Variants in NEK7 observed in about 807,000 individuals in gnomAD.
The protein encoded by NEK7 is NIMA related kinase 7, also known as serine/threonine-protein kinase Nek7.
Under a neutral mutation model 44.6 loss-of-function variants are expected in NEK7, and 18 were observed. The observed-to-expected ratio is 0.40, with a 90% CI of 0.28 to 0.60. The LOEUF (loss-of-function observed/expected upper bound fraction) is 0.60, where lower values mean the gene tolerates loss of function less well. Ranked by LOEUF, NEK7 falls within the 20% of genes least tolerant of loss-of-function variation. The pLI is 0.38. For synonymous variants in NEK7, 130 were observed against 121.1 expected (o/e 1.07, Z -0.48); for missense variants, 256 against 366.5 (o/e 0.70, Z 2.46).
At chr1:198,187,564 G>C (rs769176889) in intron 1 of NEK7, among the ~76,000 whole-genome samples, 1 of 152,172 alleles carries the variant, frequency 6.6e-6, no homozygotes, top group African/African-American at 2.4e-5. Context: ...TTGAGAAAGA[G>C]ACAGTAGCAA....
intron 7 of NEK7, among the ~76,000 whole-genome samples, chr1:198,283,057 T>A (rs1341839691): frequency 6.6e-6 from 1 of 152,092 alleles, no homozygotes; most frequent in Non-Finnish European, 1.5e-5. Context: ...GAGGCAGCTA[T>A]GAAATAATGT....
At chr1:198,299,774 A>G (rs1398067031) in intron 9 of NEK7, among the ~76,000 whole-genome samples, 2 of 152,218 alleles carry the variant, frequency 1.3e-5, no homozygotes, top group African/African-American at 4.8e-5. Flanking sequence ...GCCTCAGTTG[A>G]TAGGAATCCT....
chr1:198,188,182 TTTG>T (rs752594249), intron 1 of NEK7, among the ~76,000 whole-genome samples: 6 of 152,188 alleles, frequency 3.9e-5, no homozygotes, highest in Admixed American at 2.6e-4. Flanking sequence ...TCTACCTTTT[TTTG>T]TTGTTGTTTT....
At chr1:198,160,079 G>T (rs1188486852) in intron 1 of NEK7, among the ~76,000 whole-genome samples, 3 of 151,848 alleles carry the variant, frequency 2.0e-5, no homozygotes, top group Non-Finnish European at 4.4e-5. Context: ...TAAATATGTG[G>T]TCTGAGATAT....
intron 3 of NEK7, among the ~76,000 whole-genome samples, chr1:198,254,764 T>C (rs1241381356): frequency 1.3e-5 from 2 of 152,186 alleles, no homozygotes; most frequent in Non-Finnish European, 2.9e-5. Context: ...AAAGTTGCAC[T>C]GGTGTAAGTT....
chr1:198,253,281 T>C (rs925076669), intron 3 of NEK7, 101 bp downstream of exon 3: 7 of 724,434 alleles, frequency 9.7e-6, no homozygotes, highest in African/African-American at 1.8e-5. Flanking sequence ...TAGCCTTAAG[T>C]TGAGAATGCT....
At chr1:198,230,404 C>T (rs1666351453) in intron 1 of NEK7, among the ~76,000 whole-genome samples, 1 of 151,920 alleles carries the variant, frequency 6.6e-6, no homozygotes, top group South Asian at 2.1e-4. Flanking sequence ...TATAATTCAA[C>T]ATTTTAACAG....
intron 1 of NEK7, among the ~76,000 whole-genome samples, chr1:198,178,060 G>A (rs1365027498): frequency 1.2e-4 from 18 of 152,020 alleles, no homozygotes. Flanking sequence ...CCTCAACTAT[G>A]TGCTGCTTTC....
chr1:198,228,413 T>C (rs1220309280), intron 1 of NEK7, among the ~76,000 whole-genome samples: 1 of 152,102 alleles, frequency 6.6e-6, no homozygotes, highest in Non-Finnish European at 1.5e-5. Flanking sequence ...AGAAAGTCAT[T>C]GGTAGCTTGA....
At chr1:198,236,323 T>G (rs533154632) in intron 2 of NEK7, among the ~76,000 whole-genome samples, 1 of 152,268 alleles carries the variant, frequency 6.6e-6, no homozygotes, top group East Asian at 1.9e-4. Flanking sequence ...TTACAGAAAT[T>G]TAGATGTTTC....
chr1:198,263,116 A>G (rs921528155), intron 4 of NEK7, among the ~76,000 whole-genome samples: 1 of 151,872 alleles, frequency 6.6e-6, no homozygotes, highest in African/African-American at 2.4e-5. Context: ...TTTCTCATCT[A>G]CTAAGAATAT....
At chr1:198,257,307 G>A (rs746593623) in intron 3 of NEK7, among the ~76,000 whole-genome samples, 2 of 152,016 alleles carry the variant, frequency 1.3e-5, no homozygotes, top group South Asian at 4.2e-4. Flanking sequence ...ATTTACTTAT[G>A]TTTGTTAGTT....
At chr1:198,313,574 G>T (rs1655257879) in intron 9 of NEK7, among the ~76,000 whole-genome samples, 2 of 135,974 alleles carry the variant, frequency 1.5e-5, no homozygotes, top group Non-Finnish European at 3.0e-5. Flanking sequence ...GCAGTGGCTG[G>T]TACCGGTTGT....
At chr1:198,211,700 A>G (rs1041536302) in intron 1 of NEK7, among the ~76,000 whole-genome samples, 1 of 152,040 alleles carries the variant, frequency 6.6e-6, no homozygotes, top group Non-Finnish European at 1.5e-5. Flanking sequence ...GTTCTAATGG[A>G]AAAAAAATGC....
At chr1:198,221,716 A>G (rs1286402341) in intron 1 of NEK7, among the ~76,000 whole-genome samples, 1 of 151,958 alleles carries the variant, frequency 6.6e-6, no homozygotes, top group Non-Finnish European at 1.5e-5. Flanking sequence ...TTAAGATTTT[A>G]GCTAAGGTAA....
intron 6 of NEK7, 57 bp downstream of exon 6, chr1:198,278,126 A>T: frequency 1.1e-6 from 1 of 923,016 alleles, no homozygotes; most frequent in South Asian, 1.4e-5. Flanking sequence ...AAGTTCTTCA[A>T]AGTAAATGTC....
intron 2 of NEK7, among the ~76,000 whole-genome samples, chr1:198,249,387 G>A (rs1396024629): frequency 7.2e-5 from 11 of 151,850 alleles, no homozygotes; most frequent in Admixed American, 2.0e-4. Flanking sequence ...ATGATTTATA[G>A]TCCTTTGGGT....
intron 3 of NEK7, among the ~76,000 whole-genome samples, chr1:198,255,690 T>TCA (rs778555864): frequency 4.6e-5 from 7 of 152,170 alleles, no homozygotes; most frequent in Non-Finnish European, 1.0e-4. Flanking sequence ...TGTAGGAAGT[T>TCA]AAAGTTTATT....
At chr1:198,174,803 G>A (rs953396282) in intron 1 of NEK7, among the ~76,000 whole-genome samples, 18 of 151,986 alleles carry the variant, frequency 1.2e-4, no homozygotes, top group Admixed American at 1.1e-3. Context: ...TGTCACCCAG[G>A]CTGGAGCATT....
Sources: gnomAD v4.1 joint callset for allele counts (sites outside exome capture counted in the v4.1 genomes callset) on GRCh38, gnomAD v4.1.1 for gene constraint, MANE v1.5 for transcripts, NCBI Gene and HGNC (gene_info 2026-07-23, HGNC 2026-07-21) for gene names.